The following MTA3 variants were observed in gnomAD, a reference collection of about 807,000 sequenced individuals.
MTA3 encodes metastasis-associated protein MTA3.
A neutral mutation model predicts 83.5 loss-of-function variants in MTA3; 34 were observed. The observed-to-expected ratio is 0.41, with a 90% confidence interval of 0.31 to 0.54. The LOEUF (loss-of-function observed/expected upper bound fraction) is 0.54, where lower values mean the gene tolerates loss of function less well. Among genes scored for constraint, MTA3 ranks in the 20% least tolerant of loss-of-function variants. The pLI is 0.33. For missense variants in MTA3, 761 were observed against 726.4 expected (o/e 1.05, Z -0.55); for synonymous variants, 303 against 252.7 (o/e 1.20, Z -1.89).
chr2:42,504,014 C>T (rs561582849), intron 2 of MTA3, among the ~76,000 whole-genome samples: 329 of 150,940 alleles, frequency 2.2e-3, no homozygotes, highest in African/African-American at 7.5e-3. Context: ...ACCTCCACCT[C>T]CCGGGTTCAA....
intron 8 of MTA3, among the ~76,000 whole-genome samples, chr2:42,676,147 G>T (rs1691335035): frequency 1.3e-5 from 2 of 152,176 alleles, no homozygotes; most frequent in Admixed American, 1.3e-4. Flanking sequence ...AGACAGTACA[G>T]GAGCTCCTCC....
intron 8 of MTA3, among the ~76,000 whole-genome samples, chr2:42,676,974 C>G (rs997129196): frequency 1.3e-5 from 2 of 152,062 alleles, no homozygotes; most frequent in Admixed American, 6.6e-5. Context: ...TTACAGTAGT[C>G]TTTCTTTTCC....
At chr2:42,594,655 T>C (rs12712853) in intron 3 of MTA3, among the ~76,000 whole-genome samples, 6 of 9,842 alleles carry the variant, frequency 6.1e-4, no homozygotes, top group Non-Finnish European at 8.3e-4. Flanking sequence ...TATATATAAA[T>C]ATATATATAC....
At chr2:42,670,553 G>A (rs1489871032) in intron 8 of MTA3, among the ~76,000 whole-genome samples, 1 of 152,130 alleles carries the variant, frequency 6.6e-6, no homozygotes, top group Non-Finnish European at 1.5e-5. Flanking sequence ...ACAAGAAGCA[G>A]ATTGGTTGTT....
rs1310259980 is a variant in MTA3, at chr2:42,722,923, A to G, written c.1647A>G (p.Arg549=). 3 of 1,551,200 alleles carry G rather than the reference A, an allele frequency of 1.9e-6. No homozygotes were observed. The highest frequency in any genetic ancestry group is 2.4e-5 in the East Asian group (1 of 40,926). ...IHPAKKPNVI[R]STPSLQTPTT... The stretch of plus-strand genomic sequence containing the variant: ...CTGCAAAGAAACCTAATGTAATTCG[A>G]TCTACACCAAGCCTGCAAACCCCAA... Residue 549 remains arginine (R), a synonymous_variant, in exon 16 of 17, where the codon CGA becomes CGG. Coordinates refer to ENST00000405094, the MANE Select transcript of MTA3 (RefSeq NM_001330442.2).
chr2:42,507,927 C>T (rs1170610875), intron 2 of MTA3, among the ~76,000 whole-genome samples: 12 of 148,064 alleles, frequency 8.1e-5, no homozygotes, highest in South Asian at 2.1e-4. Context: ...GCCTGAGCAA[C>T]GGCGTGAGTC....
At chr2:42,637,670 A>G (rs1687322659) in intron 4 of MTA3, among the ~76,000 whole-genome samples, 1 of 152,140 alleles carries the variant, frequency 6.6e-6, no homozygotes, top group African/African-American at 2.4e-5. Flanking sequence ...TTTCATTTTT[A>G]ATTTGGGGAG....
intron 2 of MTA3, among the ~76,000 whole-genome samples, chr2:42,500,051 T>C (rs1344334134): frequency 6.6e-6 from 1 of 151,700 alleles, no homozygotes; most frequent in East Asian, 1.9e-4. Context: ...GGTGGATCAT[T>C]TGAGGTCAGG....
In MTA3 at chr2:42,703,992, T is replaced by A. The variant is rs1035119522; in HGVS notation, c.1026-202T>A. On this transcript the variant is annotated intron_variant, in intron 11 of 16. Transcript: ENST00000405094. ...TTCGTGAATGTCAGGCATAAGCAAT[T>A]CCTTTTTTCATAGACTCGTTTTATA... 5.6e-5 allele frequency: 29 copies of A among 519,132 alleles called. No homozygotes were observed. The East Asian group carries it at 7.4e-4, about 13-fold the overall frequency. 32.2% of individuals were successfully genotyped at this position (519,132 alleles called of 1,614,324 possible).
intron 3 of MTA3, among the ~76,000 whole-genome samples, chr2:42,604,867 A>G (rs1312431723): frequency 6.7e-6 from 1 of 149,156 alleles, no homozygotes; most frequent in African/African-American, 2.5e-5. Flanking sequence ...CTGAGTGGAC[A>G]CAGCACATGT....
rs1349895698 is a variant in MTA3, at chr2:42,721,651, AGCGTTAGG to A, written c.1613-1235_1613-1228del. ...GCCAATGAGGGAATTTTTTCTAATG[AGCGTTAGG>A]GCAGCCTACCTGAAGAAAGTAATAG... is the stretch of plus-strand genomic sequence containing the variant. On this transcript the variant is annotated intron_variant, in intron 15 of 16. Coordinates refer to ENST00000405094, the MANE Select transcript of MTA3 (RefSeq NM_001330442.2). 3.9e-5 allele frequency among the ~76,000 whole-genome samples: 6 copies of A among 152,240 alleles called. No individual in the cohort carries two copies. In the South Asian group the frequency reaches 1.2e-3, roughly 32 times the overall value.
intron 4 of MTA3, among the ~76,000 whole-genome samples, chr2:42,610,090 ACT>A (rs1056427151): frequency 1.3e-5 from 2 of 152,120 alleles, no homozygotes; most frequent in East Asian, 1.9e-4. Flanking sequence ...ACAGAGTGAC[ACT>A]CTGTCTTTAA....
intron 2 of MTA3, among the ~76,000 whole-genome samples, chr2:42,501,679 T>C (rs944205240): frequency 1.3e-5 from 2 of 152,088 alleles, no homozygotes; most frequent in African/African-American, 2.4e-5. Flanking sequence ...CAGCCCATGC[T>C]TAAGACCTGA....
chr2:42,644,248 C>T lies in MTA3; in HGVS notation c.499+4C>T, dbSNP rs760737203. 1.0e-5 allele frequency: 16 copies of T among 1,577,182 alleles called. No homozygotes were observed. Among genetic ancestry groups the T allele is most frequent in the South Asian group, 4.5e-5 (4 of 88,342 alleles). ...ATTCCAGAAATGCTGTTAGAAGGTA[C>T]GTTTTTCTGCGTGTTTGCAGTTTTG... On this transcript the variant is annotated splice_donor_region_variant and intron_variant, in intron 6 of 16. Coordinates refer to ENST00000405094, the MANE Select transcript of MTA3 (RefSeq NM_001330442.2).
chr2:42,676,054 G>A (rs985835703), intron 8 of MTA3, among the ~76,000 whole-genome samples: 2 of 152,098 alleles, frequency 1.3e-5, no homozygotes, highest in African/African-American at 2.4e-5. Flanking sequence ...CTCTCCTTTG[G>A]TCTTTGGTAT....
upstream of MTA3, among the ~76,000 whole-genome samples, chr2:42,567,870 A>C (rs1164632505): frequency 2.0e-5 from 3 of 152,148 alleles, no homozygotes; most frequent in African/African-American, 7.2e-5. Context: ...CTCACTCCTA[A>C]AGGTCCCTTT....
chr2:42,529,896 G>A (rs923932902), intron 2 of MTA3, among the ~76,000 whole-genome samples: 1 of 152,146 alleles, frequency 6.6e-6, no homozygotes, highest in South Asian at 2.1e-4. Flanking sequence ...TTCTCATTAA[G>A]ATTACAATCG....
chr2:42,696,528 A>G (rs914176032), intron 10 of MTA3, among the ~76,000 whole-genome samples: 1 of 150,824 alleles, frequency 6.6e-6, no homozygotes, highest in Non-Finnish European at 1.5e-5. Flanking sequence ...TATATTTAAC[A>G]CAGACATTAT....
intron 4 of MTA3, chr2:42,614,199 G>A (rs1684571320): frequency 6.6e-6 from 1 of 152,146 alleles, no homozygotes; most frequent in African/African-American, 2.4e-5. Context: ...CCGGTGGTAG[G>A]TGATTCTCTT....
Sources: allele counts gnomAD v4.1 joint callset (sites outside exome capture counted in the v4.1 genomes callset), GRCh38; gene constraint gnomAD v4.1.1; transcripts MANE v1.5; gene names NCBI Gene and HGNC (gene_info 2026-07-23, HGNC 2026-07-21).